The following PLEKHA6 variants were observed in gnomAD, a reference collection of about 807,000 sequenced individuals.
The protein encoded by PLEKHA6 is pleckstrin homology domain-containing family A member 6.
PLEKHA6 carries 60 observed loss-of-function variants against 116.7 expected under a neutral mutation model. The ratio of observed to expected loss-of-function variants is 0.51; its 90% confidence interval spans 0.42 to 0.64. The LOEUF is 0.64. Among genes scored for constraint, PLEKHA6 ranks in the 30% least tolerant of loss-of-function variants. PLEKHA6 has a pLI of 0.00. For missense variants in PLEKHA6, 1,338 were observed against 1,422.7 expected (o/e 0.94, Z 0.96); for synonymous variants, 489 against 556.1 (o/e 0.88, Z 1.70).
intron 1 of PLEKHA6, chr1:204,317,138 A>G (rs549578299): frequency 5.1e-5 from 27 of 530,834 alleles, no homozygotes; most frequent in Admixed American, 6.4e-5. Flanking sequence ...TTCTGAGCAT[A>G]AAATAACTTG....
Position 204,268,330 on chromosome 1 carries a change from A to G in PLEKHA6, c.103-18T>C. The G allele has an allele frequency of 6.4e-7, 1 of 1,567,128 alleles. No homozygotes were observed. The highest frequency in any genetic ancestry group is 8.7e-7 in the Non-Finnish European group (1 of 1,145,866). ...CGAGTTGCCTGGGGGCAGAGAGAGA[A>G]GCTGATCTAGGTCCCCAGTCTCCTC... On this transcript the variant is annotated intron_variant, in intron 3 of 22. Transcript: ENST00000272203.
chr1:204,376,041 G>A (rs1387884747), intron 1 of PLEKHA6, among the ~76,000 whole-genome samples: 2 of 151,932 alleles, frequency 1.3e-5, no homozygotes, highest in Non-Finnish European at 2.9e-5. Flanking sequence ...CCTCAAGAAT[G>A]TACCATATTA....
chr1:204,338,628 A>C (rs955252536), intron 1 of PLEKHA6, among the ~76,000 whole-genome samples: 10 of 152,234 alleles, frequency 6.6e-5, no homozygotes, highest in Non-Finnish European at 1.3e-4. Flanking sequence ...GCCCATAAAC[A>C]ACTGTGAGAA....
At chr1:204,293,747 G>A (rs1006481781) in intron 1 of PLEKHA6, among the ~76,000 whole-genome samples, 1 of 152,186 alleles carries the variant, frequency 6.6e-6, no homozygotes, top group Non-Finnish European at 1.5e-5. Context: ...TTGTACCTAA[G>A]GGGAGTGTAT....
intron 1 of PLEKHA6, among the ~76,000 whole-genome samples, chr1:204,284,494 C>T (rs1224718655): frequency 6.6e-6 from 1 of 152,150 alleles, no homozygotes; most frequent in Non-Finnish European, 1.5e-5. Flanking sequence ...GAGGGCAAAG[C>T]GATATCCCTG....
At chr1:204,333,123 G>A (rs921118037) in intron 1 of PLEKHA6, among the ~76,000 whole-genome samples, 10 of 152,236 alleles carry the variant, frequency 6.6e-5, no homozygotes, top group African/African-American at 1.7e-4. Flanking sequence ...CTGCCCAGGA[G>A]AGCCAGAGGC....
At chr1:204,299,171 G>A (rs1473550802) in intron 1 of PLEKHA6, among the ~76,000 whole-genome samples, 1 of 152,218 alleles carries the variant, frequency 6.6e-6, no homozygotes, top group Non-Finnish European at 1.5e-5. Flanking sequence ...CCCAGAGGAA[G>A]GGACAAGATA....
At chr1:204,356,112 C>T (rs1220644408) in intron 1 of PLEKHA6, among the ~76,000 whole-genome samples, 7 of 151,674 alleles carry the variant, frequency 4.6e-5, no homozygotes, top group Non-Finnish European at 7.4e-5. Context: ...AGAAATGCAA[C>T]CTAAGGGAAA....
chr1:204,317,822 C>G (rs1048804598), intron 1 of PLEKHA6, among the ~76,000 whole-genome samples: 1 of 152,206 alleles, frequency 6.6e-6, no homozygotes, highest in Non-Finnish European at 1.5e-5. Context: ...AAAACACACA[C>G]ACACAATATG....
intron 1 of PLEKHA6, among the ~76,000 whole-genome samples, chr1:204,275,202 TA>T (rs1037635386): frequency 2.0e-5 from 3 of 151,046 alleles, no homozygotes; most frequent in East Asian, 1.9e-4. Context: ...GTGAGCCACA[TA>T]AAAAAAAAGC....
chr1:204,345,380 C>G (rs1216047315), intron 1 of PLEKHA6, among the ~76,000 whole-genome samples: 1 of 152,112 alleles, frequency 6.6e-6, no homozygotes, highest in African/African-American at 2.4e-5. Flanking sequence ...TCAGAAGGTG[C>G]CTGAGCTTCC....
At chr1:204,227,984 C>T (rs1660598717) in intron 21 of PLEKHA6, 99 bp downstream of exon 21, 2 of 1,252,004 alleles carry the variant, frequency 1.6e-6, no homozygotes, top group East Asian at 5.0e-5. Flanking sequence ...CCTTGTATCT[C>T]TTTGCTACTG....
At position 204,249,258 on chromosome 1, in the gene PLEKHA6, G is replaced by A; in HGVS notation, c.1600C>T (p.Leu534=). 1 of 1,611,388 alleles carries A rather than the reference G, an allele frequency of 6.2e-7. No homozygotes were observed. Among genetic ancestry groups the A allele is most frequent in the South Asian group, 1.1e-5 (1 of 91,024 alleles). ...KLNEQDTDKL[L]GKLCEQNKVV... is the part of the protein sequence containing the mutation. ...TTGTTCTGCTCACACAATTTTCCCA[G>A]CAGCTTCTAGGGACCCAGAGAGTGG... The change falls in exon 11 of 23, where the codon CTG becomes TTG. Residue 534 remains leucine, a synonymous_variant. Transcript: ENST00000272203.
chr1:204,289,628 G>A (rs538866315), intron 1 of PLEKHA6, among the ~76,000 whole-genome samples: 1 of 152,326 alleles, frequency 6.6e-6, no homozygotes, highest in East Asian at 1.9e-4. Context: ...AGATCTGGAG[G>A]TGTTCTACTT....
chr1:204,375,877 C>G (rs1673860112), intron 1 of PLEKHA6, among the ~76,000 whole-genome samples: 2 of 115,260 alleles, frequency 1.7e-5, no homozygotes, highest in African/African-American at 7.1e-5. Flanking sequence ...TCAGCCCCCA[C>G]TGGTGCCTTT....
In PLEKHA6 at chr1:204,305,910, C is replaced by T. The variant is rs148619797; in HGVS notation, c.-94-31101G>A. On this transcript the variant is annotated intron_variant, in intron 1 of 22. Transcript: ENST00000272203. ...TATTTTTGTTGCACTTTGCCCATCC[C>T]GCATCACCTCTCATACATTTCTCCC... is the stretch of plus-strand genomic sequence containing the variant. Among the ~76,000 whole-genome samples the T allele has an allele frequency of 1.2e-4, 19 of 152,266 alleles. No individual in the cohort carries two copies. In the East Asian group the frequency reaches 3.5e-3, roughly 28 times the overall value.
intron 17 of PLEKHA6, among the ~76,000 whole-genome samples, chr1:204,233,342 ATT>A (rs143142208): frequency 4.5e-5 from 6 of 132,944 alleles, no homozygotes; most frequent in Admixed American, 1.5e-4. Flanking sequence ...CACCTGGCTA[ATT>A]TTTTTTTTTT....
rs750728236 is a variant in PLEKHA6 at position 204,251,442 on chromosome 1, G to C, written c.1525-828C>G. The C allele has an allele frequency of 5.7e-5, 37 of 654,704 alleles. No homozygotes were observed. In the East Asian group the frequency reaches 1.0e-3, roughly 18 times the overall value. 40.6% of individuals were successfully genotyped at this position (654,704 alleles called of 1,614,324 possible). ...CAGGCAGATGAGCGGGTTGGGTGGC[G>C]TGAGCCTCATCCTAGATGGGCAACT... On this transcript the variant is annotated intron_variant, in intron 9 of 22. Transcript: ENST00000272203.
chr1:204,247,673 A>G (rs1220023331), intron 12 of PLEKHA6, among the ~76,000 whole-genome samples: 3 of 152,148 alleles, frequency 2.0e-5, no homozygotes, highest in Non-Finnish European at 4.4e-5. Context: ...CCCACCACCA[A>G]CTGAAATAAA....
Sources: gnomAD v4.1 joint callset for allele counts (sites outside exome capture counted in the v4.1 genomes callset) on GRCh38, gnomAD v4.1.1 for gene constraint, MANE v1.5 for transcripts, NCBI Gene and HGNC (gene_info 2026-07-23, HGNC 2026-07-21) for gene names.